Variants in CFAP65 observed in about 807,000 individuals in gnomAD.
CFAP65 encodes cilia- and flagella-associated protein 65.
In CFAP65, 155 loss-of-function variants were observed where a neutral mutation model predicts 208.0. The observed-to-expected ratio is 0.75, with a 90% CI of 0.65 to 0.85. The LOEUF is 0.85. Among genes scored for constraint, CFAP65 ranks in the 40% least tolerant of loss-of-function variants. The pLI is 0.00. For missense variants in CFAP65, 2,294 were observed against 2,451.3 expected (o/e 0.94, Z 1.36); for synonymous variants, 970 against 986.3 (o/e 0.98, Z 0.31).
At chr2:219,023,889 A>T in intron 15 of CFAP65, 126 bp downstream of exon 15, 1 of 1,183,618 alleles carries the variant, frequency 8.4e-7, no homozygotes, top group Non-Finnish European at 1.2e-6. Flanking sequence ...CTACTATGCT[A>T]CTTCCTGGAG....
rs1337387844 is a variant in CFAP65, at chr2:219,032,570, G to A, written c.545C>T (p.Pro182Leu). Residue 182 changes from proline to leucine, a missense_variant and splice_region_variant, in exon 6 of 35, where the codon CCC becomes CTC. By Grantham distance (98) the Pro-to-Leu change is moderately conservative (BLOSUM62 -3). Around this residue, in one of 2 missense-constraint regions of CFAP65, gnomAD observed 867 missense variants for 1,012.6 expected, o/e 0.86. Coordinates refer to ENST00000341552, the MANE Select transcript of CFAP65 (RefSeq NM_194302.4). The surrounding 1 kb of genome is among the most constrained non-coding windows in gnomAD (Gnocchi z 5.5). ...CGTGAAGAAGAACTTGGTCTTGGGG[G>A]GCCTGCAGGAGAGAGCCGGTGGGGA... The part of the protein sequence containing the change: ...SLKLQKMKYR[P>L]PKTKFFFTVI... 5 of 1,595,118 alleles carry A rather than the reference G, an allele frequency of 3.1e-6. No homozygotes were observed. The highest frequency in any genetic ancestry group is 1.1e-5 in the South Asian group (1 of 87,686).
rs767760368 is a variant in CFAP65, at chr2:219,031,346, C to T, written c.816-41G>A. 6.2e-6 allele frequency: 10 copies of T among 1,607,866 alleles called. No individual in the cohort carries two copies. Among genetic ancestry groups the T allele is most frequent in the Admixed American group, 1.7e-5 (1 of 59,788 alleles). ...AGGTCAGGGCACTGGGCTCCCGGCC[C>T]CTGCTCCTGCAGTAGCAAGTCAGGG... On this transcript the variant is annotated intron_variant, in intron 7 of 34. Transcript: ENST00000341552. The surrounding 1 kb of genome is among the most constrained non-coding windows in gnomAD (Gnocchi z 5.2).
In CFAP65 at chr2:219,003,350, T is replaced by G. The variant is rs73993385; in HGVS notation, c.5556-78A>C. ...CTCGCTCGCCTGTCCGTGCGGTACATTGTGCCGCGAGCTCTACGGAGATTC... is the reference window on the plus strand; with the variant it reads ...CTCGCTCGCCTGTCCGTGCGGTACAGTGTGCCGCGAGCTCTACGGAGATTC... On this transcript the variant is annotated intron_variant, in intron 33 of 34. Coordinates refer to ENST00000341552, the MANE Select transcript of CFAP65 (RefSeq NM_194302.4). This position sits in a 1 kb window ranked among gnomAD's most constrained non-coding sequence, Gnocchi z 4.4. 5,256 of 1,440,906 alleles carry G rather than the reference T, an allele frequency of 3.6e-3. 163 individuals carry two copies. The African/African-American group carries it at 0.067, about 18-fold the overall frequency. 89.3% of individuals were successfully genotyped at this position (1,440,906 alleles called of 1,614,324 possible).
At chr2:219,010,192 A>T in intron 26 of CFAP65, 107 bp from the exon 27 acceptor site, 1 of 1,109,158 alleles carries the variant, frequency 9.0e-7, no homozygotes, top group South Asian at 1.7e-5. Flanking sequence ...TCACGAGGTC[A>T]GAAAATCGAG....
intron 27 of CFAP65, 103 bp from the exon 28 acceptor site, chr2:219,009,563 AGACAAGATGGGATGGGATAGGATGG>A (rs1208311873): frequency 5.3e-6 from 4 of 759,512 alleles, no homozygotes; most frequent in East Asian, 2.7e-5. Context: ...AGATGAGATG[AGACAAGATGGGATGGGATAGGATGG>A]GACAAGATGG....
chr2:219,038,849 C>T (rs1948514304), intron 3 of CFAP65, 47 bp downstream of exon 3: 1 of 1,562,008 alleles, frequency 6.4e-7, no homozygotes, highest in Non-Finnish European at 8.7e-7. Flanking sequence ...CCACACTTGG[C>T]ACTGCTCAGC....
Position 219,013,263 on chromosome 2 carries a change from C to G in CFAP65, c.3953G>C (p.Arg1318Pro). 6.2e-7 allele frequency: 1 copy of G among 1,610,098 alleles called. No individual in the cohort carries two copies. The highest frequency in any genetic ancestry group is 8.5e-7 in the Non-Finnish European group (1 of 1,176,782). The stretch of plus-strand genomic sequence containing the variant: ...AGGACAATGTGGACCACTGACCTGC[C>G]GTGGGGGTAGCGTGTCACCAATGGG... ...PIPIGDTLPPRQIYELYNGGS... is the reference protein window; with the variant it reads ...PIPIGDTLPPPQIYELYNGGS... The change falls in exon 24 of 35, where the codon CGG becomes CCG. Residue 1318 changes from arginine (R) to proline (P), a missense_variant. Transcript: ENST00000341552.
Position 219,028,322 on chromosome 2 carries a change from G to C in CFAP65, c.1730C>G (p.Thr577Ser), listed in dbSNP as rs1449299417. Residue 577 changes from threonine (T) to serine (S), a missense_variant, in exon 12 of 35, where the codon ACC becomes AGC. Coordinates refer to ENST00000341552, the MANE Select transcript of CFAP65 (RefSeq NM_194302.4). ...CCGGGCCAGGTGTGTGCGGTACCAG[G>C]TGAGGTGCTGAGGCTTCAGGATGGC... ...KPAILKPQHLTWYRTHLARGL... is the reference protein window; with the variant it reads ...KPAILKPQHLSWYRTHLARGL... 1.2e-6 allele frequency: 2 copies of C among 1,614,134 alleles called. No individual in the cohort carries two copies. Among genetic ancestry groups the C allele is most frequent in the Non-Finnish European group, 8.5e-7 (1 of 1,180,016 alleles).
At chr2:219,006,873 A>C (rs1289621556) in intron 29 of CFAP65, among the ~76,000 whole-genome samples, 7 of 147,316 alleles carry the variant, frequency 4.8e-5, no homozygotes, top group Non-Finnish European at 8.9e-5. Context: ...GGCTAAAGAG[A>C]CTCCCCCATT....
intron 2 of CFAP65, 91 bp from the exon 3 acceptor site, chr2:219,039,141 T>A (rs1948537302): frequency 8.6e-7 from 1 of 1,156,842 alleles, no homozygotes; most frequent in African/African-American, 1.5e-5. Context: ...CAAATATATG[T>A]GGCACATATA....
In CFAP65 at chr2:219,030,177, G is replaced by A. The variant is rs150463300; in HGVS notation, c.1193C>T (p.Pro398Leu). The change falls in exon 10 of 35, where the codon CCG becomes CTG. Residue 398 changes from proline (P) to leucine (L), a missense_variant. By Grantham distance (98) the Pro-to-Leu change is moderately conservative. This residue lies in a region of CFAP65 where 867 missense variants were observed against 1,012.6 expected (regional missense o/e 0.86). Transcript: ENST00000341552. ...GGCCTGGTCTTCGGCCAGTTCATCC[G>A]GGGAAATTTCAATCCTGAAGGGGGC... ...VNAPFRIEIS[P>L]DELAEDQAFS... 9.4e-5 allele frequency: 151 copies of A among 1,614,096 alleles called. No homozygotes were observed. The highest frequency in any genetic ancestry group is 6.6e-4 in the Middle Eastern group (4 of 6,062).
Position 219,009,172 on chromosome 2 carries a change from G to A in CFAP65, c.4567-18C>T, listed in dbSNP as rs374370626. The A allele has an allele frequency of 6.2e-7, 1 of 1,606,552 alleles. No individual in the cohort carries two copies. The highest frequency in any genetic ancestry group is 8.5e-7 in the Non-Finnish European group (1 of 1,174,490). On this transcript the variant is annotated intron_variant, in intron 28 of 34. Coordinates refer to ENST00000341552, the MANE Select transcript of CFAP65 (RefSeq NM_194302.4). Reference sequence around the variant, plus strand: ...GAGTACAGCTATGGCCCAGGACAGAGAGAGAGAAGGCCAAGGTCTGGAGCT... The same window carrying A: ...GAGTACAGCTATGGCCCAGGACAGAAAGAGAGAAGGCCAAGGTCTGGAGCT...
chr2:219,005,662 T>C, intron 31 of CFAP65, 100 bp from the exon 32 acceptor site: 2 of 1,442,770 alleles, frequency 1.4e-6, no homozygotes, highest in Non-Finnish European at 1.9e-6. Flanking sequence ...AGGACACAGA[T>C]GAGTTTGAGG....
At chr2:219,029,337 TGTC>T in intron 11 of CFAP65, 63 bp downstream of exon 11, 3 of 1,553,462 alleles carry the variant, frequency 1.9e-6, no homozygotes, top group Non-Finnish European at 2.6e-6. Flanking sequence ...CACCAAGCCT[TGTC>T]ATCATCAGTG....
At chr2:219,028,671 C>T (rs1489066462) in intron 11 of CFAP65, among the ~76,000 whole-genome samples, 1 of 152,104 alleles carries the variant, frequency 6.6e-6, no homozygotes, top group Non-Finnish European at 1.5e-5. Flanking sequence ...CCTGGGCATT[C>T]TCCCACCCAC....
chr2:219,013,649 T>C (rs1203078455), intron 22 of CFAP65, 64 bp from the exon 23 acceptor site: 8 of 1,447,050 alleles, frequency 5.5e-6, no homozygotes, highest in African/African-American at 1.4e-5. Flanking sequence ...GGAGAGCAAA[T>C]GGACATGACA....
In CFAP65 at chr2:219,038,648, C is replaced by A. The variant is rs1487439417; in HGVS notation, c.154-70G>T. 19 of 1,406,318 alleles carry A rather than the reference C, an allele frequency of 1.4e-5. No homozygotes were observed. In the East Asian group the frequency reaches 4.3e-4, roughly 32 times the overall value. The allele number at this position is 1,406,318 out of a possible 1,614,324, so 87.1% of individuals were successfully genotyped here. A position where few individuals can be genotyped will look rare whatever the true frequency, so the allele number is the denominator to read the frequency against. On this transcript the variant is annotated intron_variant, in intron 3 of 34. Coordinates refer to ENST00000341552, the MANE Select transcript of CFAP65 (RefSeq NM_194302.4). Reference sequence around the variant, plus strand: ...AAGAGAGGCTGAGGGAGGAGACTCTCATGGCCATCCTTGTCATGGAGGAGA... The same window carrying A: ...AAGAGAGGCTGAGGGAGGAGACTCTAATGGCCATCCTTGTCATGGAGGAGA...
Position 219,019,534 on chromosome 2 carries a change from G to A in CFAP65, c.3445C>T (p.Leu1149Phe). 1 of 1,612,998 alleles carries A rather than the reference G, an allele frequency of 6.2e-7. No individual in the cohort carries two copies. Among genetic ancestry groups the A allele is most frequent in the Non-Finnish European group, 8.5e-7 (1 of 1,179,992 alleles). Reference sequence around the variant, plus strand: ...TGCCGGGTGGGCACCTTGTAGGTGAGCTCACAGGGGGTGGGGTCACGCTCC... The same window carrying A: ...TGCCGGGTGGGCACCTTGTAGGTGAACTCACAGGGGGTGGGGTCACGCTCC... The part of the protein sequence containing the change: ...YLERDPTPCE[L>F]TYKVPTRHSM... Residue 1149 changes from leucine (L) to phenylalanine (F), a missense_variant, in exon 20 of 35, where the codon CTC becomes TTC. Physicochemically the swap from Leu to Phe is conservative, Grantham distance 22 (BLOSUM62 0). Around this residue, in one of 2 missense-constraint regions of CFAP65, gnomAD observed 1,427 missense variants for 1,438.7 expected, o/e 0.99. Coordinates refer to ENST00000341552, the MANE Select transcript of CFAP65 (RefSeq NM_194302.4).
In CFAP65 at chr2:219,006,186, C is replaced by T. The variant is rs373366169; in HGVS notation, c.4757G>A (p.Arg1586Gln). 269 of 1,610,784 alleles carry T rather than the reference C, an allele frequency of 1.7e-4. 2 individuals are homozygous for T. Among genetic ancestry groups the T allele is most frequent in the South Asian group, 9.7e-4 (88 of 90,972 alleles). The change falls in exon 31 of 35, where the codon CGG becomes CAG. Residue 1586 changes from arginine to glutamine, a missense_variant. By Grantham distance (43) the Arg-to-Gln change is conservative. Coordinates refer to ENST00000341552, the MANE Select transcript of CFAP65 (RefSeq NM_194302.4). Reference protein sequence around the residue: ...PPIKNQQSVSRPASWKLQTPK... With the variant: ...PPIKNQQSVSQPASWKLQTPK... The stretch of plus-strand genomic sequence containing the variant: ...GGTCTGCAGTTTCCAGCTGGCAGGC[C>T]GGCTGACAGACTGCTGGTTCTTGAT...
Sources: allele counts gnomAD v4.1 joint callset (sites outside exome capture counted in the v4.1 genomes callset), GRCh38; gene constraint gnomAD v4.1.1; regional missense constraint gnomAD v4.1.1; non-coding constraint Gnocchi (gnomAD v3.1); transcripts MANE v1.5; gene names NCBI Gene and HGNC (gene_info 2026-07-23, HGNC 2026-07-21).